YWHAQ: variants seen among roughly 807,000 people sequenced by gnomAD.
YWHAQ encodes the protein 14-3-3 protein theta.
A neutral mutation model predicts 28.3 loss-of-function variants in YWHAQ; 6 were observed. The observed-to-expected ratio is 0.21, with a 90% CI of 0.12 to 0.42. The LOEUF (loss-of-function observed/expected upper bound fraction) is 0.42, where lower values mean the gene tolerates loss of function less well. Among genes scored for constraint, YWHAQ ranks in the 10% least tolerant of loss-of-function variants. The pLI is 1.00. For synonymous variants in YWHAQ, 143 were observed against 119.1 expected, an observed-to-expected ratio of 1.20 and a Z score of -1.31; for missense variants, 201 against 305.6, an observed-to-expected ratio of 0.66 and a Z score of 2.55.
rs143598860 is a variant in YWHAQ at position 9,601,058 on chromosome 2, T to C, written c.295-9543A>G. Among the ~76,000 whole-genome samples, 231 of 152,364 alleles carry C rather than the reference T, an allele frequency of 1.5e-3. 1 individual carries two copies. The highest frequency in any genetic ancestry group is 5.3e-3 in the African/African-American group (222 of 41,586). On this transcript the variant is annotated intron_variant, in intron 2 of 5. Transcript: ENST00000238081. ...TGCTTTATTGAGATAATTCACTCAA[T>C]TGTGGTGGTCTACAACCAAATCTGC...
At chr2:9,604,785 A>AT (rs1412051134) in intron 2 of YWHAQ, among the ~76,000 whole-genome samples, 1 of 147,368 alleles carries the variant, frequency 6.8e-6, no homozygotes, top group African/African-American at 2.4e-5. Context: ...GATGGTTATA[A>AT]TAAAAAAAAA....
At chr2:9,627,918 T>C (rs1667281124) in intron 2 of YWHAQ, among the ~76,000 whole-genome samples, 2 of 152,228 alleles carry the variant, frequency 1.3e-5, no homozygotes, top group Admixed American at 6.5e-5. Context: ...AAACGGTATC[T>C]TTGTGAAGCC....
At chr2:9,585,416 T>C in intron 5 of YWHAQ, 71 bp from the exon 6 acceptor site, 1 of 1,535,884 alleles carries the variant, frequency 6.5e-7, no homozygotes, top group Non-Finnish European at 9.0e-7. Flanking sequence ...TATTGTTATA[T>C]CAAAATTAAC....
chr2:9,605,793 C>A (rs1024600411), intron 2 of YWHAQ, among the ~76,000 whole-genome samples: 1 of 146,890 alleles, frequency 6.8e-6, no homozygotes, highest in Non-Finnish European at 1.5e-5. Flanking sequence ...CAACTCCTGA[C>A]TCAAGTGATC....
chr2:9,616,949 A>G (rs1573002321), intron 2 of YWHAQ, among the ~76,000 whole-genome samples: 1 of 152,218 alleles, frequency 6.6e-6, no homozygotes, highest in Admixed American at 6.5e-5. Flanking sequence ...TTTAAAAAGT[A>G]GTACTTTGTT....
intron 2 of YWHAQ, among the ~76,000 whole-genome samples, chr2:9,617,782 C>T (rs183750113): frequency 6.6e-6 from 1 of 152,054 alleles, no homozygotes; most frequent in East Asian, 1.9e-4. Context: ...AAAAAATCAG[C>T]TGAGGGTGGT....
In YWHAQ at chr2:9,584,009, CACTT is replaced by C. The variant is rs1666299454; in HGVS notation, c.*1273_*1276del. The C allele has an allele frequency of 6.6e-6, 1 of 152,202 alleles. No individual in the cohort carries two copies. 9.4% of individuals were successfully genotyped at this position (152,202 alleles called of 1,614,324 possible). A position where few individuals can be genotyped will look rare whatever the true frequency, so the allele number is the denominator to read the frequency against. On this transcript the variant is annotated 3_prime_UTR_variant, in exon 6 of 6. Transcript: ENST00000238081. ...AAAATGTCCACTTTATTCCATATAA[CACTT>C]AACCAGATATCATTTACATCTGAGG... is the stretch of plus-strand genomic sequence containing the variant.
At chr2:9,589,520 T>A (rs989989535) in intron 3 of YWHAQ, among the ~76,000 whole-genome samples, 1 of 152,116 alleles carries the variant, frequency 6.6e-6, no homozygotes, top group African/African-American at 2.4e-5. Context: ...GAGGCGGAGC[T>A]TACGGTGAGC....
chr2:9,587,383 GAAAAT>G (rs994220875), intron 5 of YWHAQ, 26 bp downstream of exon 5: 16 of 1,567,438 alleles, frequency 1.0e-5, no homozygotes, highest in Admixed American at 5.9e-5. Flanking sequence ...TTTCTGAAAA[GAAAAT>G]AAAATTAAAA....
At chr2:9,626,837 G>A (rs934046254) in intron 2 of YWHAQ, among the ~76,000 whole-genome samples, 1 of 152,186 alleles carries the variant, frequency 6.6e-6, no homozygotes, top group Non-Finnish European at 1.5e-5. Flanking sequence ...AAAGTCACCA[G>A]TTTTCAACCT....
At chr2:9,602,850 AAAAAAAAAAAAAATATATATATATATAT>A (rs1315506054) in intron 2 of YWHAQ, among the ~76,000 whole-genome samples, 12 of 16,974 alleles carry the variant, frequency 7.1e-4, no homozygotes, top group African/African-American at 1.8e-3. Flanking sequence ...AAAAAAAAAA[AAAAAAAAAAAAAATATATATATATATAT>A]ATATATATAT....
chr2:9,617,079 G>A (rs1667053619), intron 2 of YWHAQ, among the ~76,000 whole-genome samples: 1 of 151,776 alleles, frequency 6.6e-6, no homozygotes, highest in Non-Finnish European at 1.5e-5. Context: ...TCCTGCCTCA[G>A]CCTCCCGAGT....
Position 9,630,663 on chromosome 2 carries a change from T to G in YWHAQ, c.-82-129A>C. 7 of 397,448 alleles carry G rather than the reference T, an allele frequency of 1.8e-5. No homozygotes were observed. The highest frequency in any genetic ancestry group is 3.1e-5 in the Non-Finnish European group (7 of 229,476). 24.6% of individuals were successfully genotyped at this position (397,448 alleles called of 1,614,324 possible). A position where few individuals can be genotyped will look rare whatever the true frequency, so the allele number is the denominator to read the frequency against. On this transcript the variant is annotated intron_variant, in intron 1 of 5. Coordinates refer to ENST00000238081, the MANE Select transcript of YWHAQ (RefSeq NM_006826.4). The surrounding 1 kb of genome is among the most constrained non-coding windows in gnomAD (Gnocchi z 5.6). Reference sequence around the variant, plus strand: ...TTGAATTTCCCTCTCCCCCGCCCCCTCCCCCGCTGGGCACCCGGGGAGGCC... The same window carrying G: ...TTGAATTTCCCTCTCCCCCGCCCCCGCCCCCGCTGGGCACCCGGGGAGGCC...
rs1315841033 is a variant in YWHAQ at position 9,584,159 on chromosome 2, T to A, written c.*1127A>T. 1.3e-5 allele frequency: 2 copies of A among 152,646 alleles called. No individual in the cohort carries two copies. The highest frequency in any genetic ancestry group is 4.8e-5 in the African/African-American group (2 of 41,458). The allele number at this position is 152,646 out of a possible 1,614,324, so 9.5% of individuals were successfully genotyped here. A position where few individuals can be genotyped will look rare whatever the true frequency, so the allele number is the denominator to read the frequency against. ...AATGCACAATGTGGAAATATAGGTATCACTACTACATTTTACATAAAAGGG... is the reference window on the plus strand; with the variant it reads ...AATGCACAATGTGGAAATATAGGTAACACTACTACATTTTACATAAAAGGG... On this transcript the variant is annotated 3_prime_UTR_variant, in exon 6 of 6. Coordinates refer to ENST00000238081, the MANE Select transcript of YWHAQ (RefSeq NM_006826.4).
chr2:9,608,124 C>T (rs1405241468), intron 2 of YWHAQ, among the ~76,000 whole-genome samples: 1 of 152,172 alleles, frequency 6.6e-6, no homozygotes, highest in Non-Finnish European at 1.5e-5. Context: ...AATAGATTCA[C>T]AGAAACATGA....
At chr2:9,593,898 T>TATAAAAA (rs1553372565) in intron 2 of YWHAQ, among the ~76,000 whole-genome samples, 12 of 121,508 alleles carry the variant, frequency 9.9e-5, no homozygotes, top group African/African-American at 3.9e-4. Flanking sequence ...TTAAATAGAT[T>TATAAAAA]AAAAAAAATA....
At chr2:9,629,701 G>A (rs543977295) in intron 2 of YWHAQ, among the ~76,000 whole-genome samples, 1 of 152,184 alleles carries the variant, frequency 6.6e-6, no homozygotes, top group Non-Finnish European at 1.5e-5. Flanking sequence ...TATCTGTTCA[G>A]ATTTTCTAAG....
intron 2 of YWHAQ, among the ~76,000 whole-genome samples, chr2:9,612,303 G>A (rs1558548415): frequency 6.6e-6 from 1 of 152,194 alleles, no homozygotes; most frequent in Admixed American, 6.5e-5. Flanking sequence ...AAATTCCATT[G>A]CGGGCACGTT....
At chr2:9,608,227 T>C (rs1666874508) in intron 2 of YWHAQ, among the ~76,000 whole-genome samples, 1 of 152,058 alleles carries the variant, frequency 6.6e-6, no homozygotes. Flanking sequence ...AGAAATACTT[T>C]AAATAAAAAT....
Sources: gnomAD v4.1 joint callset for allele counts (sites outside exome capture counted in the v4.1 genomes callset) on GRCh38, gnomAD v4.1.1 for gene constraint, Gnocchi (gnomAD v3.1) non-coding constraint, MANE v1.5 for transcripts, NCBI Gene and HGNC (gene_info 2026-07-23, HGNC 2026-07-21) for gene names.